Variants in ARHGAP6 observed in about 807,000 individuals in gnomAD.
The protein encoded by ARHGAP6 is Rho GTPase activating protein 6.
A neutral mutation model predicts 55.7 loss-of-function variants in ARHGAP6; 16 were observed. The ratio of observed to expected loss-of-function variants is 0.29; its 90% confidence interval spans 0.19 to 0.44. The LOEUF is 0.44. ARHGAP6 is among the 20% of genes least tolerant of loss of function. ARHGAP6 has a pLI of 1.00. For synonymous variants in ARHGAP6, 382 were observed against 360.9 expected (o/e 1.06, Z -0.66); for missense variants, 698 against 808.9 (o/e 0.86, Z 1.66).
At chrX:11,581,604 G>A (rs1254201190) in intron 1 of ARHGAP6, among the ~76,000 whole-genome samples, 2 of 111,516 alleles carry the variant, frequency 1.8e-5, no homozygotes, top group East Asian at 2.8e-4. Context: ...ATGAAGTACC[G>A]GTACTTGTTA....
At position 11,276,880 on chromosome X, in the gene ARHGAP6, G is replaced by C. The variant is rs141045808; in HGVS notation, c.589-22173C>G. ...TATAGTAAAATAATAGAAGAGCTTG[G>C]ACATAAAAATCATATGCCATAAAAG... On this transcript the variant is annotated intron_variant, in intron 1 of 12. Coordinates refer to ENST00000337414, the MANE Select transcript of ARHGAP6 (RefSeq NM_013427.3). Among the ~76,000 whole-genome samples the C allele has an allele frequency of 3.5e-3, 396 of 111,685 alleles. 1 individual carries two copies. The highest frequency in any genetic ancestry group is 5.7e-3 in the Non-Finnish European group (300 of 53,024).
intron 1 of ARHGAP6, among the ~76,000 whole-genome samples, chrX:11,255,245 C>G (rs2147487167): frequency 9.0e-6 from 1 of 111,301 alleles, no homozygotes; most frequent in South Asian, 3.8e-4. Flanking sequence ...ATCTCAAACA[C>G]TTATTATTTC....
intron 1 of ARHGAP6, among the ~76,000 whole-genome samples, chrX:11,522,671 C>T (rs2050944156): frequency 9.0e-6 from 1 of 111,509 alleles, no homozygotes; most frequent in Admixed American, 9.6e-5. Context: ...ATACACCCTC[C>T]TAAGACTAAT....
At chrX:11,241,577 C>T (rs866913516) in intron 2 of ARHGAP6, among the ~76,000 whole-genome samples, 8 of 100,659 alleles carry the variant, frequency 7.9e-5, no homozygotes, top group East Asian at 3.5e-4. Flanking sequence ...TGTGTGTGCG[C>T]GTGTGTCATC....
chrX:11,503,247 T>C (rs2050698751), intron 1 of ARHGAP6, among the ~76,000 whole-genome samples: 1 of 111,391 alleles, frequency 9.0e-6, no homozygotes, highest in Non-Finnish European at 1.9e-5. Flanking sequence ...CCCCTCATTG[T>C]TCAAGGATCA....
intron 1 of ARHGAP6, among the ~76,000 whole-genome samples, chrX:11,326,284 A>C (rs1314450323): frequency 9.1e-6 from 1 of 109,329 alleles, no homozygotes; most frequent in African/African-American, 3.3e-5. Flanking sequence ...ATGCACCACC[A>C]CGCCCAGCTA....
intron 1 of ARHGAP6, chrX:11,298,149 G>T (rs768417162): frequency 1.9e-5 from 23 of 1,207,231 alleles, no homozygotes; most frequent in Non-Finnish European, 2.6e-5. Context: ...GCATTAGTGA[G>T]TCTATATTTC....
At chrX:11,602,683 T>G (rs1221713867) in intron 1 of ARHGAP6, among the ~76,000 whole-genome samples, 1 of 112,903 alleles carries the variant, frequency 8.9e-6, no homozygotes, top group Non-Finnish European at 1.9e-5. Flanking sequence ...CAGTGGGTAT[T>G]GTCCAGTTGA....
chrX:11,533,581 A>G (rs770151293), intron 1 of ARHGAP6, among the ~76,000 whole-genome samples: 2 of 112,691 alleles, frequency 1.8e-5, no homozygotes, highest in Admixed American at 1.9e-4. Flanking sequence ...GATTTATAGT[A>G]TAACAAACAA....
In ARHGAP6 at chrX:11,490,662, C is replaced by T. The variant is rs2050558422; in HGVS notation, c.588+173579G>A. The stretch of plus-strand genomic sequence containing the variant: ...CAGATGGTGCTGTGATTTCAAACTG[C>T]AATTCGTTTCCAGGTCTCCTTCTAT... On this transcript the variant is annotated intron_variant, in intron 1 of 12. Coordinates refer to ENST00000337414, the MANE Select transcript of ARHGAP6 (RefSeq NM_013427.3). 2.7e-5 allele frequency among the ~76,000 whole-genome samples: 3 copies of T among 112,247 alleles called. No homozygotes were observed. The South Asian group carries it at 1.1e-3, about 42-fold the overall frequency.
intron 10 of ARHGAP6, among the ~76,000 whole-genome samples, chrX:11,156,321 T>A (rs1199210265): frequency 8.9e-6 from 1 of 111,918 alleles, no homozygotes; most frequent in Non-Finnish European, 1.9e-5. Flanking sequence ...AACAGAAAAA[T>A]CTTGTAATGT....
intron 1 of ARHGAP6, among the ~76,000 whole-genome samples, chrX:11,450,306 T>TA (rs1433825551): frequency 3.7e-4 from 41 of 111,010 alleles, no homozygotes; most frequent in Non-Finnish European, 6.4e-4. Flanking sequence ...TGAAATCCTA[T>TA]AAAAAAACAG....
At chrX:11,475,879 C>A in intron 1 of ARHGAP6, among the ~76,000 whole-genome samples, 1 of 107,433 alleles carries the variant, frequency 9.3e-6, no homozygotes, top group Non-Finnish European at 1.9e-5. Flanking sequence ...AAAATTCCTA[C>A]AAATAATGCA....
chrX:11,598,527 G>C (rs942028075), intron 1 of ARHGAP6, among the ~76,000 whole-genome samples: 2 of 111,489 alleles, frequency 1.8e-5, no homozygotes, highest in Non-Finnish European at 3.8e-5. Context: ...GTAGTCCACA[G>C]TGTCTATTCT....
intron 1 of ARHGAP6, among the ~76,000 whole-genome samples, chrX:11,295,613 T>C (rs5934997): frequency 0.32 from 35,655 of 109,722 alleles, 5,216 homozygotes; most frequent in African/African-American, 0.56. Flanking sequence ...GCTTGCACCC[T>C]TGCCTCCTCT....
chrX:11,265,870 C>A, intron 1 of ARHGAP6: 2 of 951,581 alleles, frequency 2.1e-6, no homozygotes, highest in East Asian at 8.6e-5. Context: ...CCCACGATAC[C>A]TTTTGTTGCC....
At chrX:11,272,180 T>C (rs1288338770) in intron 1 of ARHGAP6, among the ~76,000 whole-genome samples, 1 of 111,930 alleles carries the variant, frequency 8.9e-6, no homozygotes, top group Non-Finnish European at 1.9e-5. Context: ...ATTGAATTGG[T>C]AATTGTATTT....
intron 1 of ARHGAP6, among the ~76,000 whole-genome samples, chrX:11,464,909 C>T (rs749227357): frequency 5.3e-5 from 6 of 112,177 alleles, no homozygotes; most frequent in African/African-American, 1.6e-4. Context: ...CATCTATCCA[C>T]GGCAAAGTCA....
intron 1 of ARHGAP6, among the ~76,000 whole-genome samples, chrX:11,653,130 T>G (rs752301770): frequency 8.9e-6 from 1 of 112,125 alleles, no homozygotes; most frequent in South Asian, 3.7e-4. Context: ...ACACTGCCAT[T>G]TACCAGTTAA....
Sources: allele counts gnomAD v4.1 joint callset (sites outside exome capture counted in the v4.1 genomes callset), GRCh38; gene constraint gnomAD v4.1.1; transcripts MANE v1.5; gene names NCBI Gene and HGNC (gene_info 2026-07-23, HGNC 2026-07-21).